MTUS2: variants seen among roughly 807,000 people sequenced by gnomAD.
MTUS2 encodes microtubule associated scaffold protein 2, also known as microtubule-associated tumor suppressor candidate 2.
In MTUS2, 40 loss-of-function variants were observed where a neutral mutation model predicts 114.1. The observed-to-expected ratio is 0.35, with a 90% CI of 0.27 to 0.46. The LOEUF is 0.46. MTUS2 is among the 20% of genes least tolerant of loss of function. MTUS2 has a pLI of 1.00. For synonymous variants in MTUS2, 688 were observed against 672.0 expected (o/e 1.02, Z -0.37); for missense variants, 1,679 against 1,705.4 (o/e 0.98, Z 0.27).
chr13:29,171,891 G>GT (rs1377527409), intron 5 of MTUS2, among the ~76,000 whole-genome samples: 8 of 152,184 alleles, frequency 5.3e-5, no homozygotes, highest in Non-Finnish European at 8.8e-5. Flanking sequence ...TCAAATAGCA[G>GT]TTTCCAAAGT....
intron 6 of MTUS2, among the ~76,000 whole-genome samples, chr13:29,321,694 G>A (rs1900261326): frequency 6.6e-6 from 1 of 152,108 alleles, no homozygotes; most frequent in Non-Finnish European, 1.5e-5. Context: ...TATTATACAA[G>A]TAATATGTGA....
At chr13:29,101,243 G>A (rs1890406862) in intron 5 of MTUS2, among the ~76,000 whole-genome samples, 1 of 151,854 alleles carries the variant, frequency 6.6e-6, no homozygotes, top group African/African-American at 2.4e-5. Flanking sequence ...CCTTTGCTTT[G>A]CAGATTCTAG....
chr13:29,424,906 C>G (rs1439763059), intron 8 of MTUS2, among the ~76,000 whole-genome samples: 2 of 152,080 alleles, frequency 1.3e-5, no homozygotes, highest in Non-Finnish European at 2.9e-5. Flanking sequence ...AATACATAGA[C>G]CTAGTTTGGA....
chr13:28,923,910 C>A (rs1371006589), intron 2 of MTUS2, among the ~76,000 whole-genome samples: 1 of 152,038 alleles, frequency 6.6e-6, no homozygotes, highest in Admixed American at 6.6e-5. Flanking sequence ...TGGTAGAATT[C>A]CCCTTGTTAG....
At chr13:29,099,159 G>A (rs1226275633) in intron 4 of MTUS2, among the ~76,000 whole-genome samples, 8 of 152,180 alleles carry the variant, frequency 5.3e-5, no homozygotes, top group African/African-American at 9.7e-5. Context: ...GTCATTAAAC[G>A]TGGCATAAAT....
chr13:28,870,873 A>G (rs914330606), intron 2 of MTUS2, among the ~76,000 whole-genome samples: 1 of 152,228 alleles, frequency 6.6e-6, no homozygotes, highest in African/African-American at 2.4e-5. Context: ...CAGCTTGCAC[A>G]TGGAAAGAAT....
chr13:29,134,299 A>G (rs919655019), intron 5 of MTUS2, among the ~76,000 whole-genome samples: 5 of 152,150 alleles, frequency 3.3e-5, no homozygotes, highest in African/African-American at 7.2e-5. Flanking sequence ...GTGGTCTAGT[A>G]TATGTCTAGG....
At chr13:28,821,413 A>G (rs1027383342) in intron 1 of MTUS2, among the ~76,000 whole-genome samples, 2 of 152,230 alleles carry the variant, frequency 1.3e-5, no homozygotes, top group African/African-American at 4.8e-5. Context: ...TATACTTTCT[A>G]GTTTTCAAAC....
At chr13:29,142,817 A>G (rs1892280256) in intron 5 of MTUS2, among the ~76,000 whole-genome samples, 1 of 152,220 alleles carries the variant, frequency 6.6e-6, no homozygotes, top group Non-Finnish European at 1.5e-5. Context: ...TTGTTTTTGA[A>G]AAAGGGTAGG....
At chr13:29,471,733 G>A (rs1880314484) in intron 9 of MTUS2, among the ~76,000 whole-genome samples, 1 of 140,848 alleles carries the variant, frequency 7.1e-6, no homozygotes, top group Non-Finnish European at 1.5e-5. Context: ...CCTCTGCTCT[G>A]CAGGCCCAGC....
rs1343168652 is a variant in MTUS2 at position 29,360,536 on chromosome 13, C to G, written c.3117+1063C>G. On this transcript the variant is annotated intron_variant, in intron 8 of 15. Coordinates refer to ENST00000612955, the MANE Select transcript of MTUS2 (RefSeq NM_001033602.4). ...TAAATGACAAGATGAGTAGACAGCC[C>G]TGAAATTTCCATTTTACCAATAGTT... Among the ~76,000 whole-genome samples, 5 of 152,218 alleles carry G rather than the reference C, an allele frequency of 3.3e-5. No homozygotes were observed. In the East Asian group the frequency reaches 9.7e-4, roughly 29 times the overall value.
At chr13:28,857,314 C>A (rs1334475336) in intron 2 of MTUS2, among the ~76,000 whole-genome samples, 1 of 152,132 alleles carries the variant, frequency 6.6e-6, no homozygotes, top group African/African-American at 2.4e-5. Context: ...TTTTAAAAAT[C>A]TGAAAGGCTA....
At chr13:29,117,147 G>A (rs1891122908) in intron 5 of MTUS2, among the ~76,000 whole-genome samples, 1 of 152,134 alleles carries the variant, frequency 6.6e-6, no homozygotes. Context: ...TGTGTGCTGA[G>A]GTTCTGTGAG....
At chr13:29,293,509 A>G (rs1208979193) in intron 6 of MTUS2, among the ~76,000 whole-genome samples, 1 of 152,152 alleles carries the variant, frequency 6.6e-6, no homozygotes, top group African/African-American at 2.4e-5. Flanking sequence ...ATAAATTGGT[A>G]CACTCTTTTG....
intron 6 of MTUS2, among the ~76,000 whole-genome samples, chr13:29,315,989 G>A (rs1390027446): frequency 6.6e-6 from 1 of 152,180 alleles, no homozygotes; most frequent in Admixed American, 6.5e-5. Flanking sequence ...TTGGGTTGCA[G>A]GTGTCAAAGA....
chr13:29,124,095 C>T (rs1891420723), intron 5 of MTUS2, among the ~76,000 whole-genome samples: 1 of 152,214 alleles, frequency 6.6e-6, no homozygotes, highest in African/African-American at 2.4e-5. Flanking sequence ...CCCTGAACTT[C>T]TTACCCGAAG....
chr13:28,852,236 A>C (rs1053801605), intron 2 of MTUS2, among the ~76,000 whole-genome samples: 3 of 151,876 alleles, frequency 2.0e-5, no homozygotes, highest in Non-Finnish European at 4.4e-5. Context: ...CTTTATTCTG[A>C]CTTATTTTCT....
chr13:28,969,374 A>G (rs996994829), intron 2 of MTUS2, among the ~76,000 whole-genome samples: 9 of 152,198 alleles, frequency 5.9e-5, no homozygotes, highest in African/African-American at 2.2e-4. Context: ...TGGCAAATCC[A>G]TCATCTCAAA....
chr13:29,455,754 G>A (rs560983675), intron 9 of MTUS2, among the ~76,000 whole-genome samples: 14 of 152,322 alleles, frequency 9.2e-5, no homozygotes, highest in African/African-American at 3.4e-4. Flanking sequence ...GCCAAGGCAG[G>A]TGAATTGCTT....
Sources: gnomAD v4.1 joint callset for allele counts (sites outside exome capture counted in the v4.1 genomes callset) on GRCh38, gnomAD v4.1.1 for gene constraint, MANE v1.5 for transcripts, NCBI Gene and HGNC (gene_info 2026-07-23, HGNC 2026-07-21) for gene names.